Variants in LAMA3 observed in about 807,000 individuals in gnomAD.
LAMA3 encodes the protein laminin subunit alpha-3.
A neutral mutation model predicts 402.0 loss-of-function variants in LAMA3; 281 were observed. The observed-to-expected ratio is 0.70, with a 90% confidence interval of 0.63 to 0.77. The LOEUF is 0.77. Ranked by LOEUF, LAMA3 falls within the 30% of genes least tolerant of loss-of-function variation. The pLI is 0.00. For synonymous variants in LAMA3, 1,431 were observed against 1,558.4 expected (o/e 0.92, Z 1.93); for missense variants, 3,840 against 4,215.5 (o/e 0.91, Z 2.47).
At chr18:23,858,605 G>A in intron 33 of LAMA3, 84 bp from the exon 34 acceptor site, 1 of 1,198,274 alleles carries the variant, frequency 8.3e-7, no homozygotes, top group Non-Finnish European at 1.2e-6. Flanking sequence ...ATCTTGTGTT[G>A]GTATTTAATT....
At chr18:23,934,669 C>G (rs2082261169) in intron 67 of LAMA3, among the ~76,000 whole-genome samples, 1 of 152,236 alleles carries the variant, frequency 6.6e-6, no homozygotes, top group South Asian at 2.1e-4. Flanking sequence ...AGGCACTGCA[C>G]TATGCACTCC....
chr18:23,936,450 A>G (rs1416346144), intron 67 of LAMA3, among the ~76,000 whole-genome samples: 1 of 144,006 alleles, frequency 6.9e-6, no homozygotes, highest in East Asian at 2.1e-4. Context: ...AAGTGTTCAA[A>G]CTTAAGACTC....
At chr18:23,709,750 C>T (rs1751297602) in intron 1 of LAMA3, 1 of 530,650 alleles carries the variant, frequency 1.9e-6, no homozygotes, top group Admixed American at 2.3e-5. Context: ...TTCTCTTCTG[C>T]TCCACAAGTT....
At position 23,820,374 on chromosome 18, in the gene LAMA3, C is replaced by T. The variant is rs535708510; in HGVS notation, c.2304+377C>T. On this transcript the variant is annotated intron_variant, in intron 19 of 74. Transcript: ENST00000313654. ...TTTCTTTAAAGCCATTTGTGGAAAACAAAAATGAGTTGGCTTAAGTAATTC... is the reference window on the plus strand; with the variant it reads ...TTTCTTTAAAGCCATTTGTGGAAAATAAAAATGAGTTGGCTTAAGTAATTC... 3.3e-5 allele frequency among the ~76,000 whole-genome samples: 5 copies of T among 152,192 alleles called. 1 individual carries two copies. In the South Asian group the frequency reaches 1.0e-3, roughly 32 times the overall value.
chr18:23,826,741 T>G lies in LAMA3; in HGVS notation c.2611T>G (p.Ser871Ala). ...GCTCCCCAGGGACTACTATGAAGCC[T>G]CTGTACTGCAGCTGCCAGTCACAGA... Reference protein sequence around the residue: ...VLLPRDYYEASVLQLPVTEPC... With the variant: ...VLLPRDYYEAAVLQLPVTEPC... Residue 871 changes from serine (S) to alanine (A), a missense_variant, in exon 22 of 75, where the codon TCT (serine) becomes GCT (alanine). Physicochemically the swap from Ser to Ala is moderately conservative, Grantham distance 99. Transcript: ENST00000313654. 1 of 1,565,926 alleles carries G rather than the reference T, an allele frequency of 6.4e-7. No individual in the cohort carries two copies. The highest frequency in any genetic ancestry group is 8.7e-7 in the Non-Finnish European group (1 of 1,153,644).
intron 41 of LAMA3, among the ~76,000 whole-genome samples, chr18:23,885,422 C>T (rs1405616774): frequency 6.9e-6 from 1 of 145,326 alleles, no homozygotes; most frequent in South Asian, 2.2e-4. Flanking sequence ...TTGTTTATTT[C>T]GGAATCCCTG....
intron 67 of LAMA3, among the ~76,000 whole-genome samples, chr18:23,937,530 G>A (rs1185449159): frequency 2.0e-5 from 3 of 152,186 alleles, no homozygotes; most frequent in African/African-American, 7.2e-5. Context: ...GGAGGCGGGT[G>A]TCCATGAGGA....
At chr18:23,711,148 A>G (rs1355004807) in intron 1 of LAMA3, among the ~76,000 whole-genome samples, 1 of 152,288 alleles carries the variant, frequency 6.6e-6, no homozygotes, top group Non-Finnish European at 1.5e-5. Flanking sequence ...CATTTTTATT[A>G]CCTGGGCAAA....
In LAMA3 at chr18:23,780,502, G is replaced by A. The variant is rs180898060; in HGVS notation, c.1468+2883G>A. Among the ~76,000 whole-genome samples, 905 of 152,144 alleles carry A rather than the reference G, an allele frequency of 5.9e-3. 9 individuals are homozygous for A. The highest frequency in any genetic ancestry group is 0.01 in the Middle Eastern group (3 of 294). ...GAAGCCGTGGGGCTAGGAGAGAGGG[G>A]ATGGCAGACAGGTCATTAAGGCTGA... On this transcript the variant is annotated intron_variant, in intron 11 of 74. Coordinates refer to ENST00000313654, the MANE Select transcript of LAMA3 (RefSeq NM_198129.4).
chr18:23,765,500 T>A (rs1482071612), intron 8 of LAMA3, among the ~76,000 whole-genome samples: 1 of 152,210 alleles, frequency 6.6e-6, no homozygotes, highest in Non-Finnish European at 1.5e-5. Context: ...TTTAGAGGAA[T>A]GCTAATGGAT....
At chr18:23,921,618 C>G (rs1279370869) in intron 62 of LAMA3, 33 bp downstream of exon 62, 1 of 1,609,918 alleles carries the variant, frequency 6.2e-7, no homozygotes, top group South Asian at 1.1e-5. Context: ...AGATTTAAAG[C>G]CTTTGTTAGT....
At chr18:23,690,167 C>T (rs975245242) in intron 1 of LAMA3, among the ~76,000 whole-genome samples, 190 bp downstream of exon 1, 6 of 152,224 alleles carry the variant, frequency 3.9e-5, no homozygotes, top group African/African-American at 1.4e-4. Flanking sequence ...CGCACCGGCA[C>T]CACCGGCCCG....
chr18:23,717,719 A>AT (rs1568109215), intron 2 of LAMA3, among the ~76,000 whole-genome samples: 6,589 of 116,394 alleles, frequency 0.057, 1,379 homozygotes, highest in African/African-American at 0.11. Context: ...TGCCTGGCTA[A>AT]ATTTTTTTTT....
At chr18:23,946,093 A>G in intron 69 of LAMA3, 51 bp from the exon 70 acceptor site, 1 of 1,559,874 alleles carries the variant, frequency 6.4e-7, no homozygotes, top group Non-Finnish European at 8.9e-7. Context: ...AAAATACAAC[A>G]CCAATTGTCA....
chr18:23,859,723 C>G (rs1177969629), intron 34 of LAMA3, among the ~76,000 whole-genome samples: 1 of 152,150 alleles, frequency 6.6e-6, no homozygotes, highest in Non-Finnish European at 1.5e-5. Flanking sequence ...CCCAAACTAC[C>G]ATTTAGGGTT....
chr18:23,943,086 C>T (rs2082580657), intron 68 of LAMA3, among the ~76,000 whole-genome samples: 1 of 152,134 alleles, frequency 6.6e-6, no homozygotes, highest in African/African-American at 2.4e-5. Flanking sequence ...CAAGTTGTCC[C>T]CTACTTCTCC....
chr18:23,939,193 T>A (rs752500875), intron 67 of LAMA3, 30 bp from the exon 68 acceptor site: 2 of 1,609,680 alleles, frequency 1.2e-6, no homozygotes, highest in Non-Finnish European at 1.7e-6. Context: ...CTCTTTCCCC[T>A]GATAATTGTG....
intron 52 of LAMA3, among the ~76,000 whole-genome samples, chr18:23,906,696 A>T (rs2081260368): frequency 6.6e-6 from 1 of 152,210 alleles, no homozygotes; most frequent in African/African-American, 2.4e-5. Context: ...GAAAAATAAA[A>T]TACCAAAAAA....
rs531637637 is a variant in LAMA3, at chr18:23,941,157, C to A, written c.9026+1771C>A. Among the ~76,000 whole-genome samples, 3 of 151,970 alleles carry A rather than the reference C, an allele frequency of 2.0e-5. No homozygotes were observed. The East Asian group carries it at 5.8e-4, about 29-fold the overall frequency. On this transcript the variant is annotated intron_variant, in intron 68 of 74. Transcript: ENST00000313654. ...TTCACTATGTTGGTCAGGCTGGTCTCGAACTCCTGACCTCGTGATCCGCCC... is the reference window on the plus strand; with the variant it reads ...TTCACTATGTTGGTCAGGCTGGTCTAGAACTCCTGACCTCGTGATCCGCCC...
Sources: gnomAD v4.1 joint callset for allele counts (sites outside exome capture counted in the v4.1 genomes callset) on GRCh38, gnomAD v4.1.1 for gene constraint, MANE v1.5 for transcripts, NCBI Gene and HGNC (gene_info 2026-07-23, HGNC 2026-07-21) for gene names.